The following SUGCT variants were observed in gnomAD, a reference collection of about 807,000 sequenced individuals.
SUGCT encodes succinyl-CoA:glutarate CoA-transferase.
A neutral mutation model predicts 55.0 loss-of-function variants in SUGCT; 41 were observed. That is an observed-to-expected ratio of 0.74 (90% confidence interval 0.58 to 0.97). The LOEUF is 0.97. SUGCT is among the 50% of genes least tolerant of loss of function. The probability of loss-of-function intolerance (pLI) is 0.00; values close to 1 mark genes in which losing one functional copy is unlikely to be tolerated. For missense variants in SUGCT, 568 were observed against 547.8 expected, an observed-to-expected ratio of 1.04 and a Z score of -0.37; for synonymous variants, 187 against 200.4, an observed-to-expected ratio of 0.93 and a Z score of 0.56.
the SUGCT span, among the ~76,000 whole-genome samples, chr7:40,985,441 A>G: frequency 2.8e-3 from 424 of 152,312 alleles, 2 homozygotes; most frequent in African/African-American, 1.0e-2. Context: ...TGGAAAATGC[A>G]CTAAATGATC....
intron 12 of SUGCT, among the ~76,000 whole-genome samples, chr7:40,541,064 T>C (rs1794649380): frequency 1.3e-5 from 2 of 152,292 alleles, no homozygotes; most frequent in South Asian, 4.1e-4. Context: ...CTTAAAGGAA[T>C]TGATAATTTG....
intron 7 of SUGCT, among the ~76,000 whole-genome samples, chr7:40,268,879 C>T (rs555343132): frequency 6.6e-6 from 1 of 152,242 alleles, no homozygotes; most frequent in African/African-American, 2.4e-5. Flanking sequence ...CCTCGTGATC[C>T]GCCCGCCTCA....
At chr7:40,348,793 C>T (rs538571141) in intron 9 of SUGCT, among the ~76,000 whole-genome samples, 2 of 152,240 alleles carry the variant, frequency 1.3e-5, no homozygotes, top group Non-Finnish European at 2.9e-5. Flanking sequence ...CTCTTTTACC[C>T]TTGAAATCCA....
chr7:40,151,063 T>C (rs1788541994), intron 1 of SUGCT, among the ~76,000 whole-genome samples: 1 of 152,030 alleles, frequency 6.6e-6, no homozygotes, highest in Admixed American at 6.6e-5. Context: ...GGTGAAACCC[T>C]GTCTCTACTA....
At chr7:40,877,498 A>T in the SUGCT span, among the ~76,000 whole-genome samples, 1 of 152,202 alleles carries the variant, frequency 6.6e-6, no homozygotes, top group African/African-American at 2.4e-5. Context: ...GTGTGAATGG[A>T]GTTTTTCTCA....
chr7:40,550,588 A>G (rs1439605765), intron 12 of SUGCT, among the ~76,000 whole-genome samples: 2 of 152,218 alleles, frequency 1.3e-5, no homozygotes, highest in African/African-American at 2.4e-5. Flanking sequence ...TTATTCTGAG[A>G]CTTATAACCA....
chr7:40,300,618 G>A (rs911688549), intron 8 of SUGCT, among the ~76,000 whole-genome samples: 1 of 152,170 alleles, frequency 6.6e-6, no homozygotes, highest in Non-Finnish European at 1.5e-5. Context: ...TGAGTATATG[G>A]ATATATGATA....
intron 13 of SUGCT, among the ~76,000 whole-genome samples, chr7:40,815,036 G>C (rs74758827): frequency 0.085 from 12,938 of 152,236 alleles, 657 homozygotes; most frequent in Middle Eastern, 0.17. Context: ...TGTAGATGGC[G>C]CTTATAGGTA....
At chr7:40,179,485 G>GT (rs1376505590) in intron 1 of SUGCT, among the ~76,000 whole-genome samples, 1 of 151,944 alleles carries the variant, frequency 6.6e-6, no homozygotes, top group Non-Finnish European at 1.5e-5. Context: ...TGGAGACAGG[G>GT]TTGGCCAGGC....
chr7:40,683,477 G>T (rs1290070809), intron 12 of SUGCT, among the ~76,000 whole-genome samples: 1 of 152,096 alleles, frequency 6.6e-6, no homozygotes, highest in Non-Finnish European at 1.5e-5. Context: ...CATCCCACTG[G>T]CTTGGACACA....
intron 7 of SUGCT, among the ~76,000 whole-genome samples, chr7:40,252,426 C>A (rs1790491035): frequency 6.6e-6 from 1 of 151,966 alleles, no homozygotes; most frequent in Non-Finnish European, 1.5e-5. Flanking sequence ...GCCCAAAAAA[C>A]TCTGTTTTTT....
intron 12 of SUGCT, among the ~76,000 whole-genome samples, chr7:40,723,099 T>C (rs1786433215): frequency 6.6e-6 from 1 of 152,126 alleles, no homozygotes; most frequent in African/African-American, 2.4e-5. Context: ...CTTCCAAAGC[T>C]TTGTGCTTTG....
intron 1 of SUGCT, among the ~76,000 whole-genome samples, chr7:40,147,051 T>C (rs901838646): frequency 8.3e-5 from 8 of 96,908 alleles, no homozygotes; most frequent in African/African-American, 5.5e-4. Flanking sequence ...TTTCTCTCTC[T>C]TTCTTCTCTC....
intron 13 of SUGCT, among the ~76,000 whole-genome samples, chr7:40,797,452 G>A (rs1276703923): frequency 2.0e-5 from 3 of 151,810 alleles, no homozygotes; most frequent in Non-Finnish European, 2.9e-5. Context: ...CTGGATTATC[G>A]GTCACATCAG....
chr7:40,725,449 A>G (rs1278323470), intron 12 of SUGCT, among the ~76,000 whole-genome samples: 1 of 152,010 alleles, frequency 6.6e-6, no homozygotes, highest in Non-Finnish European at 1.5e-5. Flanking sequence ...TAATCTTTTG[A>G]GTTTCTGCAT....
chr7:40,371,592 G>A (rs1428625003), intron 9 of SUGCT, among the ~76,000 whole-genome samples: 2 of 152,046 alleles, frequency 1.3e-5, no homozygotes, highest in Admixed American at 1.3e-4. Context: ...AGATTTGGGA[G>A]CTTTCAAAAA....
At chr7:40,312,788 C>T (rs1795231663) in intron 8 of SUGCT, among the ~76,000 whole-genome samples, 1 of 152,098 alleles carries the variant, frequency 6.6e-6, no homozygotes, top group South Asian at 2.1e-4. Context: ...TGGGTGATTG[C>T]ATGGTTGGTG....
intron 1 of SUGCT, among the ~76,000 whole-genome samples, chr7:40,140,641 C>T (rs1016207273): frequency 1.3e-5 from 2 of 151,320 alleles, no homozygotes; most frequent in East Asian, 1.9e-4. Context: ...CCTCATGATC[C>T]GCCTGTCTTG....
At chr7:40,587,739 C>T (rs1250677250) in intron 12 of SUGCT, among the ~76,000 whole-genome samples, 1 of 152,006 alleles carries the variant, frequency 6.6e-6, no homozygotes, top group Non-Finnish European at 1.5e-5. Context: ...AATCATCAAT[C>T]CTTTTAAAGC....
Sources: allele counts gnomAD v4.1 joint callset (sites outside exome capture counted in the v4.1 genomes callset), GRCh38; gene constraint gnomAD v4.1.1; transcripts MANE v1.5; gene names NCBI Gene and HGNC (gene_info 2026-07-23, HGNC 2026-07-21).